The following COX15 variants were observed in gnomAD, a reference collection of about 807,000 sequenced individuals.
COX15 encodes the protein heme A synthase COX15.
COX15 carries 51 observed loss-of-function variants against 51.9 expected under a neutral mutation model. The ratio of observed to expected loss-of-function variants is 0.98; its 90% CI spans 0.78 to 1.24. The LOEUF is 1.24. Ranked by LOEUF, COX15 falls within the 50% of genes most tolerant of loss-of-function variation. COX15 has a pLI of 0.00. For missense variants in COX15, 420 were observed against 501.1 expected, an observed-to-expected ratio of 0.84 and a Z score of 1.55; for synonymous variants, 188 against 190.5, an observed-to-expected ratio of 0.99 and a Z score of 0.11.
At chr10:99,727,584 T>C (rs1421506174) in intron 2 of COX15, 21 bp from the exon 3 acceptor site, 1 of 1,612,428 alleles carries the variant, frequency 6.2e-7, no homozygotes, top group Non-Finnish European at 8.5e-7. Flanking sequence ...GAAAGAAATT[T>C]TGGGGTGTAT....
chr10:99,712,573 T>C lies in COX15; in HGVS notation c.*2014A>G, dbSNP rs1007183374. 126 of 984,810 alleles carry C rather than the reference T, an allele frequency of 1.3e-4. No individual in the cohort carries two copies. In the African/African-American group the frequency reaches 2.1e-3, roughly 17 times the overall value. 61.0% of individuals were successfully genotyped at this position (984,810 alleles called of 1,614,324 possible). On this transcript the variant is annotated 3_prime_UTR_variant, in exon 9 of 9. Coordinates refer to ENST00000016171, the MANE Select transcript of COX15 (RefSeq NM_078470.6). ...CCTTTGTATTTGTATTGTCACTGTA[T>C]GGAATCTAGGTATATCCAAGGAAAA...
chr10:99,724,005 T>A lies in COX15; in HGVS notation c.701A>T (p.Tyr234Phe). 1 of 1,613,984 alleles carries A rather than the reference T, an allele frequency of 6.2e-7. No homozygotes were observed. Among genetic ancestry groups the A allele is most frequent in the Non-Finnish European group, 8.5e-7 (1 of 1,180,004 alleles). ...AAHLGSALVL[Y>F]CASLWTSLSL... ...CAGTGAGGTCCACAAGCTGGCACAA[T>A]AAAGAACCAGGGCTGATCCCAGGTG... The change falls in exon 5 of 9, where the codon TAT becomes TTT. Residue 234 changes from tyrosine to phenylalanine, a missense_variant. Tyr to Phe is a conservative substitution (Grantham distance 22). Coordinates refer to ENST00000016171, the MANE Select transcript of COX15 (RefSeq NM_078470.6).
Position 99,727,450 on chromosome 10 carries a change from T to G in COX15, c.386A>C (p.Glu129Ala), listed in dbSNP as rs752956494. The change falls in exon 3 of 9, where the codon GAA becomes GCA. Residue 129 changes from glutamate (E) to alanine (A), a missense_variant. Glu to Ala is a moderately radical substitution (Grantham distance 107, BLOSUM62 -1). Coordinates refer to ENST00000016171, the MANE Select transcript of COX15 (RefSeq NM_078470.6). ...TTTCTCTAATACTTACATTTTAAAT[T>G]CTGGAAATTGCTGGTATCTTTGGAA... ...AEFQRYQQFP[E>A]FKILNHDMTL... The G allele has an allele frequency of 1.1e-5, 17 of 1,613,664 alleles. No individual in the cohort carries two copies. The highest frequency in any genetic ancestry group is 1.4e-5 in the Non-Finnish European group (17 of 1,180,024).
At chr10:99,729,391 C>T (rs1590106618) in intron 2 of COX15, among the ~76,000 whole-genome samples, 162 bp downstream of exon 2, 1 of 147,308 alleles carries the variant, frequency 6.8e-6, no homozygotes, top group South Asian at 2.2e-4. Context: ...ACTCAGGAGA[C>T]GGAGGTTGCA....
In COX15 at chr10:99,712,453, C is replaced by T; in HGVS notation, c.*2134G>A. 1 of 985,350 alleles carries T rather than the reference C, an allele frequency of 1.0e-6. No homozygotes were observed. The highest frequency in any genetic ancestry group is 1.2e-6 in the Non-Finnish European group (1 of 829,892). 61.0% of individuals were successfully genotyped at this position (985,350 alleles called of 1,614,324 possible). ...TTATTTTTAAAAAACAGAAGATTTG[C>T]TGACTTAAACACTGCAAAATTAAAC... On this transcript the variant is annotated 3_prime_UTR_variant, in exon 9 of 9. Coordinates refer to ENST00000016171, the MANE Select transcript of COX15 (RefSeq NM_078470.6).
Position 99,721,015 on chromosome 10 carries a change from T to A in COX15, c.804A>T (p.Ala268=). 1 of 1,613,836 alleles carries A rather than the reference T, an allele frequency of 6.2e-7. No homozygotes were observed. The highest frequency in any genetic ancestry group is 8.5e-7 in the Non-Finnish European group (1 of 1,179,914). The change falls in exon 6 of 9, where the codon GCA becomes GCT. Residue 268 remains alanine (A), a synonymous_variant. Transcript: ENST00000016171. ...LQLRRFAHGT[A]GLVFLTALSG... ...AGAGGGCCGTAAGGAACACCAGACCTGCTGTTCCATGAGCAAATCGTCTCA... is the reference window on the plus strand; with the variant it reads ...AGAGGGCCGTAAGGAACACCAGACCAGCTGTTCCATGAGCAAATCGTCTCA...
chr10:99,718,272 A>G (rs1254576467), intron 7 of COX15, 74 bp downstream of exon 7: 1 of 1,518,770 alleles, frequency 6.6e-7, no homozygotes, highest in African/African-American at 1.4e-5. Context: ...TGTTGCCATC[A>G]GTGCTTCACT....
chr10:99,718,094 C>T (rs2036631877), intron 7 of COX15, among the ~76,000 whole-genome samples: 1 of 140,152 alleles, frequency 7.1e-6, no homozygotes, highest in Admixed American at 7.5e-5. Flanking sequence ...GTAAAAGGCA[C>T]ATTTGAACTT....
chr10:99,703,810 C>T, the COX15 span, among the ~76,000 whole-genome samples: 2 of 152,182 alleles, frequency 1.3e-5, no homozygotes, highest in African/African-American at 2.4e-5. Flanking sequence ...CAACCTTGAA[C>T]TCCTGGGCTC....
rs564407801 is a variant in COX15, at chr10:99,712,975, C to G, written c.*1612G>C. The G allele has an allele frequency of 1.2e-4, 124 of 1,016,640 alleles. No individual in the cohort carries two copies. In the African/African-American group the frequency reaches 2.0e-3, roughly 16 times the overall value. The allele number at this position is 1,016,640 out of a possible 1,614,324, so 63.0% of individuals were successfully genotyped here. A position where few individuals can be genotyped will look rare whatever the true frequency, so the allele number is the denominator to read the frequency against. On this transcript the variant is annotated 3_prime_UTR_variant, in exon 9 of 9. Transcript: ENST00000016171. ...CAGTTAAATATCCCTAGTTCCTTCA[C>G]CTATTCCCTGTGTGACAGGGGTTCT...
intron 7 of COX15, among the ~76,000 whole-genome samples, chr10:99,718,049 G>A (rs916269881): frequency 2.6e-5 from 4 of 151,806 alleles, no homozygotes; most frequent in African/African-American, 7.3e-5. Flanking sequence ...TTCTAGGTAC[G>A]TGCAGAATTG....
At chr10:99,703,248 C>T in the COX15 span, among the ~76,000 whole-genome samples, 1 of 152,244 alleles carries the variant, frequency 6.6e-6, no homozygotes, top group East Asian at 1.9e-4. Context: ...TTTTTAGGTA[C>T]CTGTACCCTG....
downstream of COX15, chr10:99,709,500 A>G (rs1276536079): frequency 1.0e-6 from 1 of 984,898 alleles, no homozygotes; most frequent in African/African-American, 1.7e-5. Flanking sequence ...AAGACTCAAA[A>G]CCAAAAGTTG....
chr10:99,711,727 T>C lies in COX15; in HGVS notation c.*2860A>G. The C allele has an allele frequency of 1.0e-6, 1 of 985,432 alleles. No homozygotes were observed. The highest frequency in any genetic ancestry group is 1.2e-6 in the Non-Finnish European group (1 of 829,940). The allele number at this position is 985,432 out of a possible 1,614,324, so 61.0% of individuals were successfully genotyped here. ...AAATAAGAGAGAAGTTGGGAATCTCTTCTAGGCAATAGCATAAGCCCAGCC... is the reference window on the plus strand; with the variant it reads ...AAATAAGAGAGAAGTTGGGAATCTCCTCTAGGCAATAGCATAAGCCCAGCC... On this transcript the variant is annotated 3_prime_UTR_variant, in exon 9 of 9. Transcript: ENST00000016171.
Position 99,713,331 on chromosome 10 carries a change from T to A in COX15, c.*1256A>T. ...TACATTTCTAATCTGTTTAATTTCA[T>A]CTCGATGGGGTCATTCTGGGACTGT... On this transcript the variant is annotated 3_prime_UTR_variant, in exon 9 of 9. Transcript: ENST00000016171. 1 of 1,608,432 alleles carries A rather than the reference T, an allele frequency of 6.2e-7. No individual in the cohort carries two copies. Among genetic ancestry groups the A allele is most frequent in the Non-Finnish European group, 8.5e-7 (1 of 1,176,876 alleles).
chr10:99,702,709 C>A, the COX15 span: 1 of 1,548,430 alleles, frequency 6.5e-7, no homozygotes, highest in South Asian at 1.2e-5. Context: ...ATCTTGAGCT[C>A]AGAGGATATC....
intron 5 of COX15, among the ~76,000 whole-genome samples, chr10:99,721,308 C>G (rs1425012969): frequency 6.6e-6 from 1 of 152,192 alleles, no homozygotes. Flanking sequence ...GAACTGCCAT[C>G]TTTTTTACTA....
At chr10:99,700,903 T>C in the COX15 span, 1 of 1,258,896 alleles carries the variant, frequency 7.9e-7, no homozygotes, top group Non-Finnish European at 1.2e-6. Context: ...ATGGAACAGC[T>C]GTGACTGTGG....
intron 5 of COX15, among the ~76,000 whole-genome samples, chr10:99,722,112 C>T (rs896117694): frequency 2.0e-5 from 3 of 151,944 alleles, no homozygotes; most frequent in African/African-American, 2.4e-5. Flanking sequence ...ATGATCCACC[C>T]GCCTCAGCCT....
Sources: gnomAD v4.1 joint callset for allele counts (sites outside exome capture counted in the v4.1 genomes callset) on GRCh38, gnomAD v4.1.1 for gene constraint, MANE v1.5 for transcripts, NCBI Gene and HGNC (gene_info 2026-07-23, HGNC 2026-07-21) for gene names.